The following GNL3L variants were observed in gnomAD, a reference collection of about 807,000 sequenced individuals.
GNL3L encodes G protein nucleolar 3 like.
GNL3L carries 4 observed loss-of-function variants against 42.9 expected under a neutral mutation model. The observed-to-expected ratio is 0.09, with a 90% CI of 0.05 to 0.21. GNL3L has a LOEUF of 0.21. Among genes scored for constraint, GNL3L ranks in the 10% least tolerant of loss-of-function variants. GNL3L has a pLI of 1.00. For synonymous variants in GNL3L, 159 were observed against 176.3 expected (o/e 0.90, Z 0.78); for missense variants, 412 against 481.7 (o/e 0.86, Z 1.36).
At chrX:54,599,448 T>G (rs1227993493) in intron 16 of GNL3L, among the ~76,000 whole-genome samples, 1 of 111,579 alleles carries the variant, frequency 9.0e-6, no homozygotes, top group Non-Finnish European at 1.9e-5. Context: ...ATGAGAAATC[T>G]GTGTGCTATA....
At chrX:54,619,517 G>A (rs976423422) in intron 16 of GNL3L, among the ~76,000 whole-genome samples, 4 of 81,075 alleles carry the variant, frequency 4.9e-5, no homozygotes, top group African/African-American at 2.0e-4. Context: ...TCTGTTTTGC[G>A]CAATTTTTTT....
the GNL3L span, among the ~76,000 whole-genome samples, chrX:54,628,460 T>C: frequency 1.5e-3 from 168 of 111,256 alleles, 1 homozygote; most frequent in African/African-American, 5.3e-3. Context: ...GTTGTACTAG[T>C]TTACATTCCT....
intron 16 of GNL3L, among the ~76,000 whole-genome samples, chrX:54,618,761 G>A (rs914151688): frequency 9.0e-6 from 1 of 111,034 alleles, no homozygotes; most frequent in Non-Finnish European, 1.9e-5. Context: ...GCCAAACATG[G>A]TGACATACAC....
At chrX:54,557,956 T>G (rs1324398565) in intron 14 of GNL3L, among the ~76,000 whole-genome samples, 4 of 109,765 alleles carry the variant, frequency 3.6e-5, no homozygotes, top group African/African-American at 1.0e-4. Flanking sequence ...CGATCTCGGC[T>G]CTCTGCAACT....
chrX:54,565,729 A>G lies in GNL3L; in HGVS notation c.*5127A>G, dbSNP rs1352863507. Among the ~76,000 whole-genome samples the G allele has an allele frequency of 9.1e-6, 1 of 109,953 alleles. No homozygotes were observed. Among genetic ancestry groups the G allele is most frequent in the Admixed American group, 9.9e-5 (1 of 10,139 alleles). On this transcript the variant is annotated 3_prime_UTR_variant, in exon 16 of 16. Coordinates refer to ENST00000360845, the MANE Select transcript of GNL3L (RefSeq NM_001184819.2). ...TATTTTATATGCTTATTTGCTATCT[A>G]CATATCTTCTTTGGCAAGGTGTTCA...
chrX:54,629,700 G>A, the GNL3L span, among the ~76,000 whole-genome samples: 4 of 111,240 alleles, frequency 3.6e-5, no homozygotes, highest in African/African-American at 1.3e-4. Context: ...ATGTTCATCA[G>A]GGATATTGGT....
At chrX:54,622,178 C>T (rs1926294179), downstream of GNL3L, among the ~76,000 whole-genome samples, 2 of 108,784 alleles carry the variant, frequency 1.8e-5, no homozygotes, top group Admixed American at 2.0e-4. Flanking sequence ...CATTTTTTCA[C>T]TTGCTTATTG....
At chrX:54,605,221 G>T (rs1926045881) in intron 16 of GNL3L, among the ~76,000 whole-genome samples, 1 of 111,877 alleles carries the variant, frequency 8.9e-6, no homozygotes, top group African/African-American at 3.3e-5. Flanking sequence ...TAAAGACACA[G>T]TCAAAATCCC....
intron 16 of GNL3L, among the ~76,000 whole-genome samples, chrX:54,602,511 C>T (rs1926015669): frequency 9.0e-6 from 1 of 110,662 alleles, no homozygotes; most frequent in Non-Finnish European, 1.9e-5. Flanking sequence ...CACAATTATA[C>T]CTTTGAATAA....
chrX:54,580,194 T>C (rs1236199594), intron 16 of GNL3L, among the ~76,000 whole-genome samples: 1 of 80,948 alleles, frequency 1.2e-5, no homozygotes, highest in African/African-American at 4.9e-5. Flanking sequence ...TTCCCCTTCC[T>C]GTGTCCATGT....
downstream of GNL3L, among the ~76,000 whole-genome samples, chrX:54,572,143 G>A (rs2147508677): frequency 9.2e-6 from 1 of 108,998 alleles, no homozygotes; most frequent in South Asian, 3.9e-4. Flanking sequence ...CTAGGCAGAG[G>A]ACCCTGCGGC....
chrX:54,622,709 A>C (rs774932088), downstream of GNL3L, among the ~76,000 whole-genome samples: 6 of 111,335 alleles, frequency 5.4e-5, no homozygotes, highest in East Asian at 1.7e-3. Context: ...TCATGCATGA[A>C]ATTTGTAAAC....
At chrX:54,569,001 A>G (rs1013108847), downstream of GNL3L, among the ~76,000 whole-genome samples, 23 of 112,553 alleles carry the variant, frequency 2.0e-4, no homozygotes, top group Admixed American at 9.5e-5. Flanking sequence ...ACATCTCAAT[A>G]TGTTTAAGTT....
At chrX:54,606,996 CT>C (rs1432423273) in intron 16 of GNL3L, among the ~76,000 whole-genome samples, 481 of 17,721 alleles carry the variant, frequency 0.027, 9 homozygotes, top group Middle Eastern at 0.089. Context: ...CTTTCCTTTC[CT>C]TTCTTTCTTT....
the GNL3L span, among the ~76,000 whole-genome samples, chrX:54,640,916 C>T: frequency 8.9e-6 from 1 of 112,170 alleles, no homozygotes; most frequent in Non-Finnish European, 1.9e-5. Context: ...ACTTTAGCAA[C>T]TGCAACAGCT....
downstream of GNL3L, among the ~76,000 whole-genome samples, chrX:54,623,544 C>T (rs764223325): frequency 8.0e-4 from 90 of 111,938 alleles, no homozygotes; most frequent in South Asian, 2.2e-3. Flanking sequence ...ACTACAGGCG[C>T]GCGCCACTGT....
In GNL3L at chrX:54,564,251, T is replaced by G. The variant is rs779588459; in HGVS notation, c.*3649T>G. On this transcript the variant is annotated 3_prime_UTR_variant, in exon 16 of 16. Coordinates refer to ENST00000360845, the MANE Select transcript of GNL3L (RefSeq NM_001184819.2). ...GGTATACAGTTCTATAAAGCTCTGA[T>G]AAATGTGTAGAGTTGTGTAACCACC... Among the ~76,000 whole-genome samples, 7 of 110,982 alleles carry G rather than the reference T, an allele frequency of 6.3e-5. No homozygotes were observed. Among genetic ancestry groups the G allele is most frequent in the Non-Finnish European group, 1.3e-4 (7 of 53,054 alleles).
chrX:54,596,414 C>A (rs1345206748), intron 16 of GNL3L, among the ~76,000 whole-genome samples: 2 of 111,864 alleles, frequency 1.8e-5, no homozygotes, highest in Non-Finnish European at 3.8e-5. Flanking sequence ...CCTAAACAAA[C>A]AAAATCTCTC....
intron 16 of GNL3L, among the ~76,000 whole-genome samples, chrX:54,609,263 G>A (rs1005416607): frequency 1.8e-5 from 2 of 112,311 alleles, no homozygotes; most frequent in Non-Finnish European, 3.8e-5. Context: ...TTTGTCAGAT[G>A]TATACATTGT....
Sources: gnomAD v4.1 joint callset for allele counts (sites outside exome capture counted in the v4.1 genomes callset) on GRCh38, gnomAD v4.1.1 for gene constraint, MANE v1.5 for transcripts, NCBI Gene and HGNC (gene_info 2026-07-23, HGNC 2026-07-21) for gene names.